Variants in BRINP3 observed in about 807,000 individuals in gnomAD.
BRINP3 encodes the protein BMP/retinoic acid-inducible neural-specific protein 3.
In BRINP3, 19 loss-of-function variants were observed where a neutral mutation model predicts 71.0. The observed-to-expected ratio is 0.27, with a 90% CI of 0.19 to 0.39. The LOEUF is 0.39. Among genes scored for constraint, BRINP3 ranks in the 10% least tolerant of loss-of-function variants. The pLI is 1.00. For missense variants in BRINP3, 959 were observed against 940.8 expected, an observed-to-expected ratio of 1.02 and a Z score of -0.25; for synonymous variants, 380 against 337.7, an observed-to-expected ratio of 1.13 and a Z score of -1.37.
At chr1:190,236,156 A>G (rs1289764818) in intron 4 of BRINP3, among the ~76,000 whole-genome samples, 1 of 151,966 alleles carries the variant, frequency 6.6e-6, no homozygotes, top group Non-Finnish European at 1.5e-5. Context: ...ATTGTAAAAA[A>G]CAAGACATAA....
At chr1:190,476,602 A>G (rs1444337884) in intron 1 of BRINP3, among the ~76,000 whole-genome samples, 4 of 152,196 alleles carry the variant, frequency 2.6e-5, no homozygotes, top group Admixed American at 2.6e-4. Flanking sequence ...TATTAAACAC[A>G]AGGGTTGGGG....
chr1:190,422,415 A>G lies in BRINP3; in HGVS notation c.236+32240T>C, dbSNP rs79230277. On this transcript the variant is annotated intron_variant, in intron 2 of 7. Transcript: ENST00000367462. ...CTCAGAAAAGACATCAGAAAATTCAATCCTGTATTATTGGATTATTTAAAC... is the reference window on the plus strand; with the variant it reads ...CTCAGAAAAGACATCAGAAAATTCAGTCCTGTATTATTGGATTATTTAAAC... Among the ~76,000 whole-genome samples the G allele has an allele frequency of 4.4e-3, 669 of 151,960 alleles. 2 individuals carry two copies. The highest frequency in any genetic ancestry group is 0.016 in the African/African-American group (649 of 41,532).
intron 7 of BRINP3, among the ~76,000 whole-genome samples, chr1:190,133,896 A>G (rs554703347): frequency 3.9e-5 from 6 of 152,220 alleles, no homozygotes; most frequent in East Asian, 1.9e-4. Context: ...AATGTAACTT[A>G]AATCTCTGTA....
intron 2 of BRINP3, among the ~76,000 whole-genome samples, chr1:190,376,571 T>C (rs1670195785): frequency 1.3e-5 from 2 of 152,048 alleles, no homozygotes; most frequent in Non-Finnish European, 2.9e-5. Flanking sequence ...ATATCCCCAT[T>C]GTATTTATGA....
chr1:190,288,548 T>C (rs1395853739), intron 2 of BRINP3, among the ~76,000 whole-genome samples: 1 of 151,896 alleles, frequency 6.6e-6, no homozygotes, highest in Non-Finnish European at 1.5e-5. Context: ...TGCAAGTTCA[T>C]AACCTCGGTG....
chr1:190,171,297 G>T (rs1651988927), intron 6 of BRINP3, among the ~76,000 whole-genome samples: 1 of 152,116 alleles, frequency 6.6e-6, no homozygotes, highest in Non-Finnish European at 1.5e-5. Context: ...CCAACAGTAT[G>T]TTGATCAACA....
intron 2 of BRINP3, among the ~76,000 whole-genome samples, chr1:190,392,596 A>C (rs1671320868): frequency 6.6e-6 from 1 of 151,662 alleles, no homozygotes; most frequent in Non-Finnish European, 1.5e-5. Context: ...TTTCCAATAT[A>C]AAAGTTATTT....
At chr1:190,332,777 A>G (rs903406758) in intron 2 of BRINP3, among the ~76,000 whole-genome samples, 16 of 152,008 alleles carry the variant, frequency 1.1e-4, no homozygotes, top group Non-Finnish European at 4.4e-5. Context: ...AACAAATCAG[A>G]TGATCTTTCT....
intron 7 of BRINP3, among the ~76,000 whole-genome samples, chr1:190,157,125 C>G (rs1477804156): frequency 6.6e-6 from 1 of 151,310 alleles, no homozygotes; most frequent in African/African-American, 2.4e-5. Flanking sequence ...TCCATTCCCC[C>G]AATATTAAAA....
At chr1:190,303,502 T>C (rs1484769285) in intron 2 of BRINP3, among the ~76,000 whole-genome samples, 2 of 151,782 alleles carry the variant, frequency 1.3e-5, no homozygotes, top group East Asian at 1.9e-4. Flanking sequence ...CATAATTATC[T>C]GACAATGAAA....
rs541479827 is a variant in BRINP3, at chr1:190,441,260, T to G, written c.236+13395A>C. 9.9e-4 allele frequency among the ~76,000 whole-genome samples: 150 copies of G among 152,090 alleles called. 2 individuals are homozygous for G. Among genetic ancestry groups the G allele is most frequent in the Admixed American group, 3.7e-3 (56 of 15,276 alleles). On this transcript the variant is annotated intron_variant, in intron 2 of 7. Transcript: ENST00000367462. ...TTAGAGGGAAATGAGGAACACACAG[T>G]GTATGTTATGTAATATTTTCAATGG...
intron 2 of BRINP3, among the ~76,000 whole-genome samples, chr1:190,421,689 A>G (rs1463628899): frequency 6.6e-6 from 1 of 151,776 alleles, no homozygotes; most frequent in Non-Finnish European, 1.5e-5. Flanking sequence ...ATTTGAATCC[A>G]GGCACCACCA....
chr1:190,473,580 G>A (rs1290952497), intron 1 of BRINP3, among the ~76,000 whole-genome samples: 1 of 143,540 alleles, frequency 7.0e-6, no homozygotes, highest in African/African-American at 2.5e-5. Flanking sequence ...GAAAGTCCAG[G>A]CTCCTTCAAC....
intron 7 of BRINP3, among the ~76,000 whole-genome samples, chr1:190,148,357 G>T (rs574904248): frequency 1.9e-3 from 283 of 152,008 alleles, no homozygotes; most frequent in African/African-American, 6.5e-3. Context: ...CACTTTGGGA[G>T]GCCGAGGCGG....
intron 2 of BRINP3, among the ~76,000 whole-genome samples, chr1:190,401,159 A>G (rs557535604): frequency 6.6e-6 from 1 of 152,126 alleles, no homozygotes; most frequent in South Asian, 2.1e-4. Context: ...GTAGTTCGAG[A>G]CCAGGCTGGC....
chr1:190,242,705 G>A lies in BRINP3; in HGVS notation c.619-8228C>T, dbSNP rs1377443951. On this transcript the variant is annotated intron_variant, in intron 4 of 7. Transcript: ENST00000367462. ...TTTTACAGGAGAAATAGTGATACTCGAAACATAAGGATCGAAAGTATGATT... is the reference window on the plus strand; with the variant it reads ...TTTTACAGGAGAAATAGTGATACTCAAAACATAAGGATCGAAAGTATGATT... Among the ~76,000 whole-genome samples, 7 of 151,920 alleles carry A rather than the reference G, an allele frequency of 4.6e-5. No homozygotes were observed. The South Asian group carries it at 6.2e-4, about 14-fold the overall frequency.
In BRINP3 at chr1:190,365,806, G is replaced by GTGTA. The variant is rs913644308; in HGVS notation, c.237-84057_237-84056insTACA. On this transcript the variant is annotated intron_variant, in intron 2 of 7. Transcript: ENST00000367462. The stretch of plus-strand genomic sequence containing the variant: ...CGAAGAGTACAATGAGAGAGCAAGT[G>GTGTA]TATATATATATATATATATATATAT... 5.7e-3 allele frequency among the ~76,000 whole-genome samples: 730 copies of GTGTA among 127,846 alleles called. 8 individuals carry two copies. Among genetic ancestry groups the GTGTA allele is most frequent in the South Asian group, 0.018 (71 of 3,972 alleles). 83.9% of individuals were successfully genotyped at this position (127,846 alleles called of 152,430 possible). A position where few individuals can be genotyped will look rare whatever the true frequency, so the allele number is the denominator to read the frequency against.
At position 190,153,537 on chromosome 1, in the gene BRINP3, GAAACT is replaced by G. The variant is rs1279808474; in HGVS notation, c.1184+7126_1184+7130del. ...GCTTGTGAGTCATCCTGGAGTGCCT[GAAACT>G]AGAAAAATAAAATAATAAAAGATCA... On this transcript the variant is annotated intron_variant, in intron 7 of 7. Coordinates refer to ENST00000367462, the MANE Select transcript of BRINP3 (RefSeq NM_199051.3). 8.5e-5 allele frequency among the ~76,000 whole-genome samples: 13 copies of G among 152,104 alleles called. No individual in the cohort carries two copies. In the East Asian group the frequency reaches 2.3e-3, roughly 27 times the overall value.
intron 2 of BRINP3, among the ~76,000 whole-genome samples, chr1:190,301,166 C>CAT (rs1266032791): frequency 3.9e-4 from 15 of 38,062 alleles, no homozygotes; most frequent in Non-Finnish European, 7.5e-4. Context: ...TATATATATA[C>CAT]ATATATATAC....
Sources: gnomAD v4.1 joint callset for allele counts (sites outside exome capture counted in the v4.1 genomes callset) on GRCh38, gnomAD v4.1.1 for gene constraint, MANE v1.5 for transcripts, NCBI Gene and HGNC (gene_info 2026-07-23, HGNC 2026-07-21) for gene names.